The following SIPA1L1 variants were observed in gnomAD, a reference collection of about 807,000 sequenced individuals.
SIPA1L1 encodes the protein signal induced proliferation associated 1 like 1.
A neutral mutation model predicts 162.7 loss-of-function variants in SIPA1L1; 26 were observed. The observed-to-expected ratio is 0.16, with a 90% CI of 0.12 to 0.22. SIPA1L1 has a LOEUF of 0.22. Ranked by LOEUF, SIPA1L1 falls within the 10% of genes least tolerant of loss-of-function variation. SIPA1L1 has a pLI of 1.00. For synonymous variants in SIPA1L1, 829 were observed against 837.4 expected (o/e 0.99, Z 0.17); for missense variants, 1,874 against 2,241.0 (o/e 0.84, Z 3.31).
chr14:71,359,465 T>G (rs1450251767), intron 2 of SIPA1L1, among the ~76,000 whole-genome samples: 1 of 152,208 alleles, frequency 6.6e-6, no homozygotes, highest in Non-Finnish European at 1.5e-5. Context: ...TGGTTTCTAT[T>G]TATGGTGTGT....
At chr14:71,515,663 G>C (rs753811039) in intron 3 of SIPA1L1, among the ~76,000 whole-genome samples, 1 of 149,870 alleles carries the variant, frequency 6.7e-6, no homozygotes, top group Non-Finnish European at 1.5e-5. Context: ...CTTTTTTTTT[G>C]AGATGGAGTC....
intron 4 of SIPA1L1, among the ~76,000 whole-genome samples, chr14:71,550,719 A>G (rs1407616771): frequency 1.3e-5 from 2 of 152,004 alleles, no homozygotes. Flanking sequence ...TGTATTTCCA[A>G]TTACTTTTCT....
At chr14:71,543,178 G>A (rs936777730) in intron 4 of SIPA1L1, among the ~76,000 whole-genome samples, 7 of 152,120 alleles carry the variant, frequency 4.6e-5, no homozygotes, top group African/African-American at 1.4e-4. Context: ...GTCACAAAAA[G>A]TGAAGGAGTG....
At chr14:71,630,489 G>A (rs1018631604) in intron 7 of SIPA1L1, among the ~76,000 whole-genome samples, 5 of 152,218 alleles carry the variant, frequency 3.3e-5, no homozygotes, top group African/African-American at 9.6e-5. Context: ...AAGATCACAC[G>A]TGAGGACTTG....
intron 2 of SIPA1L1, among the ~76,000 whole-genome samples, chr14:71,339,164 C>T (rs1286776729): frequency 6.6e-6 from 1 of 152,134 alleles, no homozygotes; most frequent in Non-Finnish European, 1.5e-5. Flanking sequence ...GTGATTTCTC[C>T]TCAGGTAGGT....
chr14:71,605,028 T>A (rs1017661411), intron 5 of SIPA1L1, among the ~76,000 whole-genome samples: 10 of 152,182 alleles, frequency 6.6e-5, no homozygotes, highest in Non-Finnish European at 1.3e-4. Flanking sequence ...ATTTGAATAT[T>A]TGATTGCTTT....
intron 5 of SIPA1L1, among the ~76,000 whole-genome samples, chr14:71,598,734 A>G (rs1458614851): frequency 6.6e-6 from 1 of 152,022 alleles, no homozygotes; most frequent in Admixed American, 6.5e-5. Flanking sequence ...TATTGCACCA[A>G]TGTTAATTTC....
intron 4 of SIPA1L1, among the ~76,000 whole-genome samples, chr14:71,543,362 C>G (rs2054648556): frequency 1.3e-5 from 2 of 152,132 alleles, no homozygotes; most frequent in South Asian, 4.1e-4. Context: ...TTGTACAAGT[C>G]ATTTTGTTGA....
intron 2 of SIPA1L1, among the ~76,000 whole-genome samples, chr14:71,383,130 G>A (rs1311296318): frequency 6.6e-6 from 1 of 152,168 alleles, no homozygotes; most frequent in Non-Finnish European, 1.5e-5. Flanking sequence ...AATAATGCTA[G>A]TGTTTATTGA....
Position 71,588,391 on chromosome 14 carries a change from A to T in SIPA1L1, c.519A>T (p.Arg173=), listed in dbSNP as rs778154427. The T allele has an allele frequency of 5.0e-6, 8 of 1,613,976 alleles. No homozygotes were observed. The East Asian group carries it at 1.6e-4, about 31-fold the overall frequency. The change falls in exon 5 of 24, where the codon CGA becomes CGT. Residue 173 remains arginine, a synonymous_variant. Coordinates refer to ENST00000381232, the MANE Select transcript of SIPA1L1 (RefSeq NM_001386936.1). The surrounding 1 kb of genome is among the most constrained non-coding windows in gnomAD (Gnocchi z 4.3). Reference sequence around the variant, plus strand: ...AAGCTCTTCGCAGAATACGCCAGCGAAGCAACAGTGATATCACCATAAGTG... The same window carrying T: ...AAGCTCTTCGCAGAATACGCCAGCGTAGCAACAGTGATATCACCATAAGTG... ...PRKALRRIRQ[R]SNSDITISEL...
chr14:71,699,159 C>T (rs1213333281), intron 14 of SIPA1L1, 32 bp downstream of exon 14: 7 of 1,606,728 alleles, frequency 4.4e-6, no homozygotes, highest in Non-Finnish European at 5.1e-6. Flanking sequence ...TGTACATGGT[C>T]CCTGTTGGCA....
rs373699971 is a variant in SIPA1L1, at chr14:71,377,385, G to A, written c.-465+56204G>A. Among the ~76,000 whole-genome samples, 113 of 151,152 alleles carry A rather than the reference G, an allele frequency of 7.5e-4. No homozygotes were observed. The highest frequency in any genetic ancestry group is 5.2e-3 in the East Asian group (26 of 5,038). On this transcript the variant is annotated intron_variant, in intron 2 of 23. Coordinates refer to ENST00000381232, the MANE Select transcript of SIPA1L1 (RefSeq NM_001386936.1). The surrounding 1 kb of genome is among the most constrained non-coding windows in gnomAD (Gnocchi z 4.8). The stretch of plus-strand genomic sequence containing the variant: ...CTCCTCAGTTCCCAGACGGGGTCGC[G>A]GCCGGGCAGAGGCACTCCTCACCTC...
At chr14:71,642,101 A>C (rs745556188) in intron 7 of SIPA1L1, among the ~76,000 whole-genome samples, 1 of 152,218 alleles carries the variant, frequency 6.6e-6, no homozygotes, top group Non-Finnish European at 1.5e-5. Flanking sequence ...TTAACTTTCC[A>C]CCTGAAACAA....
chr14:71,670,027 C>G (rs1231456365), intron 10 of SIPA1L1, among the ~76,000 whole-genome samples: 1 of 152,090 alleles, frequency 6.6e-6, no homozygotes, highest in Non-Finnish European at 1.5e-5. Context: ...CATTTCTATT[C>G]CAAGAGTTCA....
chr14:71,558,472 C>G (rs1046205508), intron 4 of SIPA1L1, among the ~76,000 whole-genome samples: 5 of 152,102 alleles, frequency 3.3e-5, no homozygotes, highest in African/African-American at 4.8e-5. Context: ...GTAGATTTCT[C>G]TCCTGGGAGA....
intron 3 of SIPA1L1, among the ~76,000 whole-genome samples, chr14:71,515,951 G>A (rs1165590060): frequency 7.9e-5 from 12 of 152,150 alleles, no homozygotes; most frequent in Admixed American, 6.6e-4. Context: ...CTATTATATA[G>A]CATTTAAACC....
chr14:71,436,307 A>T (rs979941988), intron 2 of SIPA1L1, among the ~76,000 whole-genome samples: 1 of 152,096 alleles, frequency 6.6e-6, no homozygotes, highest in Non-Finnish European at 1.5e-5. Flanking sequence ...TTACTATTCT[A>T]CTTCATGGTT....
intron 2 of SIPA1L1, among the ~76,000 whole-genome samples, chr14:71,452,171 C>T (rs1001735235): frequency 2.0e-5 from 3 of 151,772 alleles, no homozygotes; most frequent in Non-Finnish European, 4.4e-5. Context: ...AGGAAACCCC[C>T]CCCTCATGTT....
intron 2 of SIPA1L1, among the ~76,000 whole-genome samples, chr14:71,446,454 C>G (rs917994594): frequency 2.6e-5 from 4 of 152,144 alleles, no homozygotes; most frequent in African/African-American, 9.7e-5. Context: ...GTAATCCCAG[C>G]TCTTTGTGAG....
Sources: allele counts gnomAD v4.1 joint callset (sites outside exome capture counted in the v4.1 genomes callset), GRCh38; gene constraint gnomAD v4.1.1; non-coding constraint Gnocchi (gnomAD v3.1); transcripts MANE v1.5; gene names NCBI Gene and HGNC (gene_info 2026-07-23, HGNC 2026-07-21).